RXYLT1: variants seen among roughly 807,000 people sequenced by gnomAD.
RXYLT1 encodes the protein ribitol-5-phosphate xylosyltransferase 1.
Under a neutral mutation model 43.5 loss-of-function variants are expected in RXYLT1, and 41 were observed. The ratio of observed to expected loss-of-function variants is 0.94; its 90% CI spans 0.73 to 1.22. RXYLT1 has a LOEUF of 1.22. RXYLT1 is among the 50% of genes most tolerant of loss of function. The probability of loss-of-function intolerance (pLI) is 0.00; values close to 1 mark genes in which losing one functional copy is unlikely to be tolerated. For synonymous variants in RXYLT1, 166 were observed against 194.4 expected (o/e 0.85, Z 1.21); for missense variants, 514 against 532.0 (o/e 0.97, Z 0.33).
chr12:63,800,194 A>G (rs1194077910), intron 3 of RXYLT1, among the ~76,000 whole-genome samples: 2 of 152,202 alleles, frequency 1.3e-5, no homozygotes, highest in Non-Finnish European at 2.9e-5. Context: ...TTTGTTGAGA[A>G]CTCGTCATTG....
At chr12:63,780,332 C>T (rs1279907349) in intron 1 of RXYLT1, 5 of 1,292,110 alleles carry the variant, frequency 3.9e-6, no homozygotes, top group South Asian at 5.3e-5. Flanking sequence ...ATCTCACACG[C>T]CGTCCCCGCT....
chr12:63,792,520 C>G (rs925305472), intron 3 of RXYLT1, among the ~76,000 whole-genome samples: 2 of 152,206 alleles, frequency 1.3e-5, no homozygotes, highest in African/African-American at 4.8e-5. Flanking sequence ...GGGCTTCCAG[C>G]CTGGCAGAGT....
Position 63,808,383 on chromosome 12 carries a change from G to A in RXYLT1, c.915-292G>A. 3.4e-5 allele frequency: 13 copies of A among 380,278 alleles called. No homozygotes were observed. The South Asian group carries it at 4.0e-4, about 12-fold the overall frequency. 23.6% of individuals were successfully genotyped at this position (380,278 alleles called of 1,614,324 possible). ...AGAATATATGCTCCATGAGGGCAAG[G>A]TAGGGAAGAGAGGACCTAGCACTCC... On this transcript the variant is annotated intron_variant, in intron 5 of 5. Coordinates refer to ENST00000261234, the MANE Select transcript of RXYLT1 (RefSeq NM_014254.3).
intron 2 of RXYLT1, 79 bp from the exon 3 acceptor site, chr12:63,784,891 A>G: frequency 8.0e-7 from 1 of 1,257,000 alleles, no homozygotes; most frequent in Middle Eastern, 1.9e-4. Context: ...GTAAAAGAAC[A>G]GAACGTAAAC....
In RXYLT1 at chr12:63,808,975, A is replaced by T. The variant is rs1898384371; in HGVS notation, c.1215A>T (p.Gln405His). The T allele has an allele frequency of 6.2e-7, 1 of 1,612,832 alleles. No homozygotes were observed. Among genetic ancestry groups the T allele is most frequent in the African/African-American group, 1.3e-5 (1 of 74,786 alleles). ...VLEKEKTIIL[Q>H]EKIERRKMLL... is the part of the protein sequence containing the mutation. ...AAAAAGAGAAAACTATAATTTTACA[A>T]GAAAAAATTGAAAGAAGAAAAATGT... Residue 405 changes from glutamine (Q) to histidine (H), a missense_variant, in exon 6 of 6, where the codon CAA (glutamine) becomes CAT (histidine). Gln to His is a conservative substitution (Grantham distance 24, BLOSUM62 0). Coordinates refer to ENST00000261234, the MANE Select transcript of RXYLT1 (RefSeq NM_014254.3).
intron 3 of RXYLT1, among the ~76,000 whole-genome samples, chr12:63,793,510 T>C (rs989907097): frequency 6.6e-6 from 1 of 152,170 alleles, no homozygotes; most frequent in African/African-American, 2.4e-5. Flanking sequence ...ACCTGATGCA[T>C]GAAATTATAA....
chr12:63,799,950 C>G (rs1898122667), intron 3 of RXYLT1, among the ~76,000 whole-genome samples: 1 of 152,128 alleles, frequency 6.6e-6, no homozygotes, highest in African/African-American at 2.4e-5. Context: ...ACTAGGTTAT[C>G]ACTGAATCAT....
At chr12:63,785,245 C>T in intron 3 of RXYLT1, 173 bp downstream of exon 3, 3 of 381,258 alleles carry the variant, frequency 7.9e-6, no homozygotes, top group Non-Finnish European at 1.4e-5. Flanking sequence ...ATTAAGCTTA[C>T]TTGGACCTTA....
chr12:63,796,981 T>G (rs1480755984), intron 3 of RXYLT1, among the ~76,000 whole-genome samples: 3 of 142,882 alleles, frequency 2.1e-5, no homozygotes, highest in Non-Finnish European at 3.1e-5. Context: ...TTTTTTTTTT[T>G]GTGACAGAGT....
chr12:63,796,963 CTTT>C (rs776895611), intron 3 of RXYLT1, among the ~76,000 whole-genome samples: 2 of 132,310 alleles, frequency 1.5e-5, no homozygotes, highest in Non-Finnish European at 3.2e-5. Flanking sequence ...TTTTCTTTTT[CTTT>C]TTTTTTTTTT....
intron 1 of RXYLT1, chr12:63,780,452 A>C: frequency 7.7e-6 from 9 of 1,164,750 alleles, no homozygotes; most frequent in East Asian, 1.0e-4. Context: ...AGGCCTCAAA[A>C]TCGCCGCAAG....
chr12:63,805,304 T>A lies in RXYLT1; in HGVS notation c.814T>A (p.Phe272Ile). The A allele has an allele frequency of 6.2e-7, 1 of 1,613,550 alleles. No individual in the cohort carries two copies. The highest frequency in any genetic ancestry group is 8.5e-7 in the Non-Finnish European group (1 of 1,179,802). Residue 272 changes from phenylalanine (F) to isoleucine (I), a missense_variant, in exon 5 of 6, where the codon TTC (phenylalanine) becomes ATC (isoleucine). Coordinates refer to ENST00000261234, the MANE Select transcript of RXYLT1 (RefSeq NM_014254.3). ...LHDERPYLCNFLGTIYENSSR... is the reference protein window; with the variant it reads ...LHDERPYLCNILGTIYENSSR... ...TGATGAGAGGCCATATTTATGTAAT[T>A]TCTTAGGAACGATTTATGAAAATTC...
chr12:63,796,760 A>G (rs1174481408), intron 3 of RXYLT1, among the ~76,000 whole-genome samples: 1 of 152,146 alleles, frequency 6.6e-6, no homozygotes, highest in Non-Finnish European at 1.5e-5. Flanking sequence ...AGAAAACCTC[A>G]TAAAAATCCC....
chr12:63,796,757 C>A (rs1319180007), intron 3 of RXYLT1, among the ~76,000 whole-genome samples: 1 of 151,784 alleles, frequency 6.6e-6, no homozygotes, highest in African/African-American at 2.4e-5. Flanking sequence ...CCAAGAAAAC[C>A]TCATAAAAAT....
intron 3 of RXYLT1, among the ~76,000 whole-genome samples, chr12:63,793,892 T>G (rs1047509472): frequency 4.6e-5 from 7 of 152,186 alleles, no homozygotes; most frequent in African/African-American, 1.7e-4. Flanking sequence ...TTGGGATACA[T>G]AAAAATTAGA....
intron 3 of RXYLT1, among the ~76,000 whole-genome samples, chr12:63,791,521 G>A (rs1350332953): frequency 6.6e-6 from 1 of 152,188 alleles, no homozygotes; most frequent in Non-Finnish European, 1.5e-5. Context: ...TTTGTAAGAA[G>A]TTAGCTCACT....
At chr12:63,793,388 AT>A (rs1408273558) in intron 3 of RXYLT1, among the ~76,000 whole-genome samples, 1 of 152,156 alleles carries the variant, frequency 6.6e-6, no homozygotes, top group African/African-American at 2.4e-5. Context: ...CAGTGCATGT[AT>A]ACACTTGAAG....
chr12:63,806,020 T>C (rs962433705), intron 5 of RXYLT1: 3 of 152,228 alleles, frequency 2.0e-5, no homozygotes, highest in Non-Finnish European at 4.4e-5. Flanking sequence ...TGTTTTTAAA[T>C]AGACAAATCA....
chr12:63,799,928 T>C (rs1025224219), intron 3 of RXYLT1, among the ~76,000 whole-genome samples: 1 of 152,188 alleles, frequency 6.6e-6, no homozygotes. Context: ...ATTCTGCATA[T>C]TGTCTTAAAT....
Sources: gnomAD v4.1 joint callset for allele counts (sites outside exome capture counted in the v4.1 genomes callset) on GRCh38, gnomAD v4.1.1 for gene constraint, MANE v1.5 for transcripts, NCBI Gene and HGNC (gene_info 2026-07-23, HGNC 2026-07-21) for gene names.